The following ADGRB3 variants were observed in gnomAD, a reference collection of about 807,000 sequenced individuals.
The protein encoded by ADGRB3 is brain-specific angiogenesis inhibitor 3.
In ADGRB3, 37 loss-of-function variants were observed where a neutral mutation model predicts 193.4. The observed-to-expected ratio is 0.19, with a 90% CI of 0.15 to 0.25. The LOEUF is 0.25. ADGRB3 is among the 10% of genes least tolerant of loss of function. The probability of loss-of-function intolerance (pLI) is 1.00; values close to 1 mark genes in which losing one functional copy is unlikely to be tolerated. For synonymous variants in ADGRB3, 690 were observed against 644.2 expected, an observed-to-expected ratio of 1.07 and a Z score of -1.08; for missense variants, 1,637 against 1,852.9, an observed-to-expected ratio of 0.88 and a Z score of 2.14.
At chr6:68,802,360 G>A (rs1389988812) in intron 3 of ADGRB3, among the ~76,000 whole-genome samples, 1 of 152,056 alleles carries the variant, frequency 6.6e-6, no homozygotes, top group Non-Finnish European at 1.5e-5. Flanking sequence ...AATATAAAAT[G>A]TTATATTATA....
intron 3 of ADGRB3, among the ~76,000 whole-genome samples, chr6:68,752,634 G>A (rs1049774814): frequency 3.9e-5 from 6 of 152,104 alleles, no homozygotes; most frequent in Admixed American, 3.9e-4. Context: ...GAAGTACATA[G>A]ACTGAATCAA....
At chr6:69,218,244 A>G (rs1473606135) in intron 17 of ADGRB3, among the ~76,000 whole-genome samples, 1 of 152,150 alleles carries the variant, frequency 6.6e-6, no homozygotes, top group Non-Finnish European at 1.5e-5. Flanking sequence ...TTCTGGTACC[A>G]AAAGGAGCTA....
At chr6:69,236,697 C>T (rs969657233) in intron 19 of ADGRB3, among the ~76,000 whole-genome samples, 4 of 151,962 alleles carry the variant, frequency 2.6e-5, no homozygotes, top group African/African-American at 9.7e-5. Context: ...CTCTTTATCC[C>T]TCAATACATA....
chr6:69,283,944 T>C (rs1439051456), intron 20 of ADGRB3, among the ~76,000 whole-genome samples: 1 of 152,102 alleles, frequency 6.6e-6, no homozygotes, highest in Non-Finnish European at 1.5e-5. Context: ...GAGAAGTTAC[T>C]ATACTCTGTA....
chr6:69,148,953 A>T (rs987050517), intron 17 of ADGRB3, among the ~76,000 whole-genome samples: 1 of 152,006 alleles, frequency 6.6e-6, no homozygotes, highest in Non-Finnish European at 1.5e-5. Context: ...TCTTGTTTTT[A>T]GGATCCTTTC....
rs377354823 is a variant in ADGRB3 at position 68,909,952 on chromosome 6, C to G, written c.758-20607C>G. 3.9e-5 allele frequency among the ~76,000 whole-genome samples: 6 copies of G among 152,286 alleles called. No individual in the cohort carries two copies. In the South Asian group the frequency reaches 1.2e-3, roughly 32 times the overall value. On this transcript the variant is annotated intron_variant, in intron 3 of 31. Transcript: ENST00000370598. The stretch of plus-strand genomic sequence containing the variant: ...GGGATGGCTGGGTCAAATGGTATTT[C>G]TAGTTCTAGATCCCTGAGGAATCGC...
chr6:69,320,825 A>ATGTGTGTGTGTGTG (rs5877204), intron 20 of ADGRB3, among the ~76,000 whole-genome samples: 2,669 of 146,304 alleles, frequency 0.018, 38 homozygotes, highest in African/African-American at 0.038. Context: ...GCATGTGTGT[A>ATGTGTGTGTGTGTG]TGTGTGTGTG....
chr6:68,935,787 T>A (rs945854608), intron 4 of ADGRB3, among the ~76,000 whole-genome samples: 15 of 152,192 alleles, frequency 9.9e-5, no homozygotes, highest in Non-Finnish European at 1.9e-4. Flanking sequence ...AATTAATGAA[T>A]TTAGACATTC....
chr6:68,970,514 A>G (rs1350367342), intron 8 of ADGRB3, among the ~76,000 whole-genome samples: 2 of 152,130 alleles, frequency 1.3e-5, no homozygotes, highest in East Asian at 1.9e-4. Flanking sequence ...ATGGGGTTTC[A>G]TCAGGCTGGT....
chr6:69,078,084 A>G (rs1488766409), intron 17 of ADGRB3, among the ~76,000 whole-genome samples: 1 of 151,992 alleles, frequency 6.6e-6, no homozygotes, highest in Non-Finnish European at 1.5e-5. Context: ...GGTCCTCTAA[A>G]TATAATTAAT....
At chr6:68,774,699 A>G (rs1045812086) in intron 3 of ADGRB3, among the ~76,000 whole-genome samples, 2 of 152,084 alleles carry the variant, frequency 1.3e-5, no homozygotes, top group African/African-American at 4.8e-5. Flanking sequence ...TTTCTAAAAA[A>G]CATCCAAAAG....
At chr6:69,313,650 G>A (rs1768246346) in intron 20 of ADGRB3, among the ~76,000 whole-genome samples, 1 of 151,614 alleles carries the variant, frequency 6.6e-6, no homozygotes, top group Admixed American at 6.6e-5. Context: ...ACACCTGAGG[G>A]CACAAACCTA....
At chr6:68,647,115 T>G (rs1768234514) in intron 3 of ADGRB3, among the ~76,000 whole-genome samples, 4 of 152,206 alleles carry the variant, frequency 2.6e-5, no homozygotes, top group Admixed American at 2.6e-4. Flanking sequence ...GTAGTAGCTC[T>G]CTAGAATGAG....
At chr6:68,719,238 G>T (rs1765534573) in intron 3 of ADGRB3, among the ~76,000 whole-genome samples, 2 of 151,676 alleles carry the variant, frequency 1.3e-5, no homozygotes, top group Non-Finnish European at 3.0e-5. Context: ...AGAACCTTCT[G>T]TGATGATCTG....
intron 17 of ADGRB3, among the ~76,000 whole-genome samples, chr6:69,145,036 A>G (rs1212173966): frequency 6.6e-6 from 1 of 152,166 alleles, no homozygotes; most frequent in African/African-American, 2.4e-5. Context: ...TAGGATTGAT[A>G]TTAGTGTTAC....
chr6:69,301,780 C>A (rs746258754), intron 20 of ADGRB3, among the ~76,000 whole-genome samples: 80 of 151,714 alleles, frequency 5.3e-4, no homozygotes, highest in Non-Finnish European at 1.0e-3. Flanking sequence ...CAATAGGCAC[C>A]AAAAAAATCA....
intron 13 of ADGRB3, among the ~76,000 whole-genome samples, chr6:69,046,600 C>T (rs1400187553): frequency 3.9e-5 from 6 of 152,102 alleles, no homozygotes; most frequent in Admixed American, 3.9e-4. Context: ...TTACAAAGTA[C>T]TTTTTAAAGC....
intron 17 of ADGRB3, among the ~76,000 whole-genome samples, chr6:69,191,224 A>G (rs1765179759): frequency 6.6e-6 from 1 of 152,238 alleles, no homozygotes; most frequent in Admixed American, 6.5e-5. Context: ...CTCCTAGTTC[A>G]ATGGTTTTTT....
chr6:69,078,884 C>A (rs1236159871), intron 17 of ADGRB3, among the ~76,000 whole-genome samples: 1 of 152,022 alleles, frequency 6.6e-6, no homozygotes, highest in African/African-American at 2.4e-5. Context: ...GCCTACTATA[C>A]CTGCATATAA....
Sources: gnomAD v4.1 joint callset for allele counts (sites outside exome capture counted in the v4.1 genomes callset) on GRCh38, gnomAD v4.1.1 for gene constraint, MANE v1.5 for transcripts, NCBI Gene and HGNC (gene_info 2026-07-23, HGNC 2026-07-21) for gene names.